Variants in SUGCT observed in about 807,000 individuals in gnomAD.
The protein encoded by SUGCT is succinyl-CoA:glutarate-CoA transferase, also known as succinyl-CoA:glutarate CoA-transferase.
SUGCT carries 41 observed loss-of-function variants against 55.0 expected under a neutral mutation model. That is an observed-to-expected ratio of 0.74 (90% CI 0.58 to 0.97). SUGCT has a LOEUF of 0.97. SUGCT is among the 50% of genes least tolerant of loss of function. The pLI, the probability that SUGCT is intolerant of heterozygous loss-of-function variation, is 0.00. For missense variants in SUGCT, 568 were observed against 547.8 expected (o/e 1.04, Z -0.37); for synonymous variants, 187 against 200.4 (o/e 0.93, Z 0.56).
chr7:40,729,408 A>G (rs1786779730), intron 12 of SUGCT, among the ~76,000 whole-genome samples: 1 of 152,252 alleles, frequency 6.6e-6, no homozygotes, highest in South Asian at 2.1e-4. Context: ...AGCACAATAG[A>G]TGTTCTGAGC....
intron 8 of SUGCT, among the ~76,000 whole-genome samples, chr7:40,303,535 G>C (rs1205174962): frequency 1.3e-5 from 2 of 151,596 alleles, no homozygotes; most frequent in Non-Finnish European, 2.9e-5. Flanking sequence ...CCAGGCTGGA[G>C]TACAGTGGCG....
At chr7:40,703,341 A>G (rs1785250768) in intron 12 of SUGCT, among the ~76,000 whole-genome samples, 1 of 152,108 alleles carries the variant, frequency 6.6e-6, no homozygotes, top group South Asian at 2.1e-4. Flanking sequence ...CCGATTGACC[A>G]TGGTTCTTTT....
intron 9 of SUGCT, among the ~76,000 whole-genome samples, chr7:40,444,126 C>T (rs1788676726): frequency 6.6e-6 from 1 of 152,136 alleles, no homozygotes; most frequent in Non-Finnish European, 1.5e-5. Context: ...GTTACTGTAG[C>T]CTTGTAGTGT....
chr7:40,923,488 A>G, the SUGCT span, among the ~76,000 whole-genome samples: 14 of 152,322 alleles, frequency 9.2e-5, no homozygotes, highest in African/African-American at 2.9e-4. Flanking sequence ...TAGAGAGTCA[A>G]TAATCAACGT....
chr7:41,029,195 T>C, the SUGCT span, among the ~76,000 whole-genome samples: 1 of 152,152 alleles, frequency 6.6e-6, no homozygotes, highest in Non-Finnish European at 1.5e-5. Context: ...ATCTGCAGAC[T>C]CCATGACGTG....
the SUGCT span, among the ~76,000 whole-genome samples, chr7:40,902,846 A>C: frequency 3.9e-5 from 6 of 152,088 alleles, no homozygotes; most frequent in African/African-American, 1.4e-4. Context: ...GCAGAGAAAC[A>C]GAGGCTCCAA....
chr7:40,902,792 T>A, the SUGCT span, among the ~76,000 whole-genome samples: 1 of 152,110 alleles, frequency 6.6e-6, no homozygotes, highest in Non-Finnish European at 1.5e-5. Context: ...TGAAGAAAAG[T>A]ATTCCTGCAT....
chr7:40,916,043 G>GAC, the SUGCT span, among the ~76,000 whole-genome samples: 3 of 103,734 alleles, frequency 2.9e-5, no homozygotes, highest in African/African-American at 1.0e-4. Flanking sequence ...ATGGATGTGG[G>GAC]ACACTCTCTC....
chr7:40,362,288 G>A (rs938868391), intron 9 of SUGCT, among the ~76,000 whole-genome samples: 14 of 152,120 alleles, frequency 9.2e-5, no homozygotes, highest in African/African-American at 2.2e-4. Flanking sequence ...GTGTGGTGGC[G>A]CATGCCTCTA....
chr7:40,343,655 T>A (rs1797163347), intron 9 of SUGCT, among the ~76,000 whole-genome samples: 1 of 152,016 alleles, frequency 6.6e-6, no homozygotes, highest in Non-Finnish European at 1.5e-5. Flanking sequence ...TTTATTTTTA[T>A]TTTATTATTA....
chr7:40,802,309 GACAC>G (rs765485268), intron 13 of SUGCT, among the ~76,000 whole-genome samples: 1 of 150,986 alleles, frequency 6.6e-6, no homozygotes, highest in African/African-American at 2.4e-5. Flanking sequence ...TCAGCACTCA[GACAC>G]ACACACACAC....
At chr7:40,950,662 A>G in the SUGCT span, among the ~76,000 whole-genome samples, 1 of 152,184 alleles carries the variant, frequency 6.6e-6, no homozygotes, top group Non-Finnish European at 1.5e-5. Context: ...AGTTTTTAAC[A>G]TGAAGGGCTG....
At chr7:40,932,853 T>C in the SUGCT span, among the ~76,000 whole-genome samples, 1 of 151,260 alleles carries the variant, frequency 6.6e-6, no homozygotes, top group African/African-American at 2.4e-5. Context: ...GTCTCCTCAA[T>C]ACAGCACACT....
chr7:40,565,228 C>G (rs1387170303), intron 12 of SUGCT, among the ~76,000 whole-genome samples: 1 of 152,140 alleles, frequency 6.6e-6, no homozygotes, highest in Non-Finnish European at 1.5e-5. Context: ...AAACTTACCC[C>G]CTAGGTCTCT....
chr7:40,333,698 T>TATAA (rs1199066124), intron 9 of SUGCT, among the ~76,000 whole-genome samples: 2 of 114,536 alleles, frequency 1.7e-5, no homozygotes, highest in East Asian at 5.0e-4. Flanking sequence ...TATATATATA[T>TATAA]ATATAAATAT....
intron 9 of SUGCT, among the ~76,000 whole-genome samples, chr7:40,396,488 G>A (rs1265129955): frequency 6.6e-6 from 1 of 152,088 alleles, no homozygotes; most frequent in Non-Finnish European, 1.5e-5. Context: ...TCCTCAGGTT[G>A]AACTAAAAGT....
intron 10 of SUGCT, among the ~76,000 whole-genome samples, 196 bp from the exon 11 acceptor site, chr7:40,458,905 A>G: frequency 6.6e-6 from 1 of 152,240 alleles, no homozygotes. Flanking sequence ...AAAGCCTCTT[A>G]TGAATGACAA....
the SUGCT span, among the ~76,000 whole-genome samples, chr7:41,004,458 A>C: frequency 6.6e-6 from 1 of 152,242 alleles, no homozygotes; most frequent in African/African-American, 2.4e-5. Flanking sequence ...TAAAAGACCC[A>C]GCACGAAAAT....
intron 12 of SUGCT, among the ~76,000 whole-genome samples, chr7:40,657,231 T>C (rs1801060082): frequency 1.3e-5 from 2 of 152,108 alleles, no homozygotes; most frequent in Admixed American, 6.5e-5. Context: ...TGTGGAGATA[T>C]ATATGTATCT....
Sources: gnomAD v4.1 joint callset for allele counts (sites outside exome capture counted in the v4.1 genomes callset) on GRCh38, gnomAD v4.1.1 for gene constraint, MANE v1.5 for transcripts, NCBI Gene and HGNC (gene_info 2026-07-23, HGNC 2026-07-21) for gene names.